The following KLF12 variants were observed in gnomAD, a reference collection of about 807,000 sequenced individuals.
KLF12 encodes KLF transcription factor 12.
KLF12 carries 9 observed loss-of-function variants against 37.8 expected under a neutral mutation model. That is an observed-to-expected ratio of 0.24 (90% CI 0.14 to 0.42). The LOEUF (loss-of-function observed/expected upper bound fraction) is 0.42, where lower values mean the gene tolerates loss of function less well. KLF12 is among the 10% of genes least tolerant of loss of function. KLF12 has a pLI of 1.00. For synonymous variants in KLF12, 208 were observed against 202.1 expected (o/e 1.03, Z -0.25); for missense variants, 411 against 516.0 (o/e 0.80, Z 1.97).
At chr13:73,952,768 A>G (rs142784251) in intron 2 of KLF12, among the ~76,000 whole-genome samples, 187 of 152,356 alleles carry the variant, frequency 1.2e-3, no homozygotes, top group African/African-American at 3.2e-3. Flanking sequence ...TTATTAAGCA[A>G]AAGCTAAGTT....
At chr13:73,855,564 C>T (rs990894500) in intron 3 of KLF12, among the ~76,000 whole-genome samples, 1 of 152,096 alleles carries the variant, frequency 6.6e-6, no homozygotes, top group African/African-American at 2.4e-5. Flanking sequence ...TATATGGATA[C>T]ATGTGTCTTT....
At chr13:74,179,862 A>G in the KLF12 span, among the ~76,000 whole-genome samples, 174 of 152,300 alleles carry the variant, frequency 1.1e-3, 1 homozygote, top group African/African-American at 3.7e-3. Context: ...GAGTCCCCCA[A>G]TCGACATCTG....
intron 1 of KLF12, among the ~76,000 whole-genome samples, chr13:74,042,554 T>C (rs1361868326): frequency 1.3e-5 from 2 of 151,994 alleles, no homozygotes; most frequent in Non-Finnish European, 2.9e-5. Context: ...TCTGCCTTGA[T>C]TGAGCTGTGT....
At chr13:73,910,489 T>C (rs893120851) in intron 3 of KLF12, among the ~76,000 whole-genome samples, 1 of 152,142 alleles carries the variant, frequency 6.6e-6, no homozygotes, top group Non-Finnish European at 1.5e-5. Flanking sequence ...CACAACATTT[T>C]TAGGTAGTGG....
At chr13:74,052,585 G>C (rs1185812100) in intron 1 of KLF12, among the ~76,000 whole-genome samples, 1 of 152,080 alleles carries the variant, frequency 6.6e-6, no homozygotes, top group Non-Finnish European at 1.5e-5. Context: ...TCATGTGGCG[G>C]CCAGATCACA....
At chr13:73,841,718 T>G (rs1348110010) in intron 4 of KLF12, among the ~76,000 whole-genome samples, 5 of 152,164 alleles carry the variant, frequency 3.3e-5, no homozygotes, top group Admixed American at 1.3e-4. Flanking sequence ...TGCCATTCCG[T>G]TGACAAAAAC....
intron 1 of KLF12, among the ~76,000 whole-genome samples, chr13:74,044,394 T>C (rs972151762): frequency 7.2e-5 from 11 of 152,080 alleles, no homozygotes; most frequent in African/African-American, 2.7e-4. Context: ...ATGAAATGAA[T>C]GATTCCAGGA....
At chr13:74,053,659 T>A (rs193271905) in intron 1 of KLF12, among the ~76,000 whole-genome samples, 6 of 152,172 alleles carry the variant, frequency 3.9e-5, no homozygotes, top group African/African-American at 1.4e-4. Context: ...AAGGTGGAGG[T>A]TACATGCCTG....
At chr13:73,914,094 C>G (rs886636394) in intron 3 of KLF12, among the ~76,000 whole-genome samples, 5 of 150,780 alleles carry the variant, frequency 3.3e-5, no homozygotes, top group African/African-American at 1.2e-4. Context: ...ATAAATGTTC[C>G]CTGGCACCTT....
At chr13:74,073,418 T>C (rs535203252) in intron 1 of KLF12, among the ~76,000 whole-genome samples, 21 of 152,308 alleles carry the variant, frequency 1.4e-4, no homozygotes, top group Non-Finnish European at 2.6e-4. Flanking sequence ...TTTTGAGGCA[T>C]AGGAAGTTCT....
intron 3 of KLF12, among the ~76,000 whole-genome samples, chr13:73,905,911 T>G (rs1888263442): frequency 6.6e-6 from 1 of 152,170 alleles, no homozygotes; most frequent in Non-Finnish European, 1.5e-5. Context: ...CCTTCCCAAC[T>G]CTTCTCCATG....
the KLF12 span, among the ~76,000 whole-genome samples, chr13:74,233,010 C>A: frequency 6.6e-6 from 1 of 152,098 alleles, no homozygotes; most frequent in South Asian, 2.1e-4. Flanking sequence ...CTCAGCCTCC[C>A]GAGTAGCTGG....
chr13:73,971,542 A>C (rs1235512476), intron 2 of KLF12, among the ~76,000 whole-genome samples: 2 of 152,192 alleles, frequency 1.3e-5, no homozygotes, highest in African/African-American at 4.8e-5. Context: ...AAGGTACTAA[A>C]CCATCAACTA....
At chr13:74,243,959 A>G in the KLF12 span, among the ~76,000 whole-genome samples, 1 of 152,206 alleles carries the variant, frequency 6.6e-6, no homozygotes. Context: ...ACTTGTTTTA[A>G]TGAACATATG....
At chr13:74,238,831 T>C in the KLF12 span, among the ~76,000 whole-genome samples, 1 of 152,160 alleles carries the variant, frequency 6.6e-6, no homozygotes, top group Non-Finnish European at 1.5e-5. Context: ...TCTTCTCTCT[T>C]TTTTTCTTTA....
the KLF12 span, among the ~76,000 whole-genome samples, chr13:74,156,516 CATT>C: frequency 6.6e-6 from 1 of 152,170 alleles, no homozygotes; most frequent in African/African-American, 2.4e-5. Context: ...AAAATACACA[CATT>C]ATTGACTACA....
In KLF12 at chr13:73,845,963, G is replaced by A. The variant is rs962777394; in HGVS notation, c.534C>T (p.Asn178=). The change falls in exon 4 of 8, where the codon AAC becomes AAT. Residue 178 remains asparagine, a synonymous_variant. Transcript: ENST00000377669. ...GGATGCGGTGAACATGACTCAGTTT[G>A]TTAGACTGTAAATTCATGGGACTTG... 6.8e-6 allele frequency: 11 copies of A among 1,614,044 alleles called. No homozygotes were observed. Among genetic ancestry groups the A allele is most frequent in the Admixed American group, 3.3e-5 (2 of 59,992 alleles).
the KLF12 span, among the ~76,000 whole-genome samples, chr13:74,287,375 AGAG>A: frequency 6.3e-4 from 95 of 151,642 alleles, 1 homozygote; most frequent in African/African-American, 1.9e-3. Context: ...AGAGAGAGAG[AGAG>A]AGAGAGAGAG....
chr13:73,846,803 G>C (rs957237701), intron 3 of KLF12, among the ~76,000 whole-genome samples: 1 of 151,992 alleles, frequency 6.6e-6, no homozygotes, highest in African/African-American at 2.4e-5. Context: ...ACCATACTCA[G>C]TATATTCTGA....
Sources: gnomAD v4.1 joint callset for allele counts (sites outside exome capture counted in the v4.1 genomes callset) on GRCh38, gnomAD v4.1.1 for gene constraint, MANE v1.5 for transcripts, NCBI Gene and HGNC (gene_info 2026-07-23, HGNC 2026-07-21) for gene names.